ACOXL: variants seen among roughly 807,000 people sequenced by gnomAD.
ACOXL encodes acyl-coenzyme A oxidase-like protein.
ACOXL carries 70 observed loss-of-function variants against 71.9 expected under a neutral mutation model. That is an observed-to-expected ratio of 0.97 (90% CI 0.80 to 1.19). The LOEUF (loss-of-function observed/expected upper bound fraction) is 1.19, where lower values mean the gene tolerates loss of function less well. ACOXL is among the 50% of genes most tolerant of loss of function. The probability of loss-of-function intolerance (pLI) is 0.00; values close to 1 mark genes in which losing one functional copy is unlikely to be tolerated. For missense variants in ACOXL, 703 were observed against 736.3 expected (o/e 0.95, Z 0.52); for synonymous variants, 253 against 281.6 (o/e 0.90, Z 1.02).
chr2:110,937,938 G>C, intron 12 of ACOXL, among the ~76,000 whole-genome samples: 1 of 152,176 alleles, frequency 6.6e-6, no homozygotes, highest in East Asian at 1.9e-4. Flanking sequence ...CATAGACTCA[G>C]GAAGTAGGAG....
rs968325998 is a variant in ACOXL, at chr2:111,092,998, G to A, written c.1542+32G>A. 4.5e-6 allele frequency: 7 copies of A among 1,551,130 alleles called. No individual in the cohort carries two copies. The East Asian group carries it at 6.7e-5, about 15-fold the overall frequency. On this transcript the variant is annotated intron_variant, in intron 17 of 17. Coordinates refer to ENST00000439055, the MANE Select transcript of ACOXL (RefSeq NM_001142807.4). Reference sequence around the variant, plus strand: ...TCCCTGGGGTACAGAAAAACACTTTGTACATCAGCCCTGGTCTCCTTGCTT... The same window carrying A: ...TCCCTGGGGTACAGAAAAACACTTTATACATCAGCCCTGGTCTCCTTGCTT...
chr2:110,734,786 T>C (rs1193044066), intron 1 of ACOXL, among the ~76,000 whole-genome samples: 4 of 152,040 alleles, frequency 2.6e-5, no homozygotes, highest in African/African-American at 9.7e-5. Context: ...GGGACTTCCT[T>C]GTGAATTCCA....
Position 110,911,109 on chromosome 2 carries a change from A to G in ACOXL, c.905+2204A>G, listed in dbSNP as rs1055154087. On this transcript the variant is annotated intron_variant, in intron 11 of 17. Coordinates refer to ENST00000439055, the MANE Select transcript of ACOXL (RefSeq NM_001142807.4). ...AGAATACTATGAACAATAGTATGCAACAAAATATACAAAACCTATATGAAA... is the reference window on the plus strand; with the variant it reads ...AGAATACTATGAACAATAGTATGCAGCAAAATATACAAAACCTATATGAAA... 2.0e-4 allele frequency among the ~76,000 whole-genome samples: 31 copies of G among 152,176 alleles called. 1 individual carries two copies. Among genetic ancestry groups the G allele is most frequent in the Non-Finnish European group, 7.4e-5 (5 of 67,984 alleles).
chr2:111,068,635 A>G (rs893009678), intron 16 of ACOXL, among the ~76,000 whole-genome samples: 14 of 152,182 alleles, frequency 9.2e-5, no homozygotes, highest in Non-Finnish European at 1.8e-4. Flanking sequence ...TTATTACTGG[A>G]TGGGCTATGC....
At chr2:110,752,763 T>C (rs1201796142) in intron 1 of ACOXL, among the ~76,000 whole-genome samples, 1 of 152,100 alleles carries the variant, frequency 6.6e-6, no homozygotes, top group Non-Finnish European at 1.5e-5. Context: ...GTATTAGCTA[T>C]CTACTGATAT....
At position 110,908,911 on chromosome 2, in the gene ACOXL, A is replaced by G. The variant is rs1451667937; in HGVS notation, c.905+6A>G. ...GCCCTGACCTTCGTCAGCAGGTGAG[A>G]TGGCTCTCAGGGTTTGCTCTCTTAG... On this transcript the variant is annotated splice_donor_region_variant and intron_variant, in intron 11 of 17. Coordinates refer to ENST00000439055, the MANE Select transcript of ACOXL (RefSeq NM_001142807.4). The G allele has an allele frequency of 1.9e-6, 3 of 1,610,768 alleles. No homozygotes were observed. Among genetic ancestry groups the G allele is most frequent in the Non-Finnish European group, 2.5e-6 (3 of 1,177,320 alleles).
chr2:110,837,132 G>A lies in ACOXL; in HGVS notation c.754-4239G>A, dbSNP rs139509256. Among the ~76,000 whole-genome samples the A allele has an allele frequency of 9.7e-4, 148 of 152,328 alleles. 1 individual carries two copies. Among genetic ancestry groups the A allele is most frequent in the African/African-American group, 3.4e-3 (141 of 41,570 alleles). On this transcript the variant is annotated intron_variant, in intron 9 of 17. Coordinates refer to ENST00000439055, the MANE Select transcript of ACOXL (RefSeq NM_001142807.4). ...ATGGCCCCTCCAGCATGGGACAGGG[G>A]CCCTGGAGTGTGCCACTGTCCCAGG...
At chr2:111,006,354 G>C (rs1477412207) in intron 14 of ACOXL, among the ~76,000 whole-genome samples, 2 of 152,170 alleles carry the variant, frequency 1.3e-5, no homozygotes, top group Non-Finnish European at 2.9e-5. Flanking sequence ...GGGAAAGGAC[G>C]ATGTCGTAGA....
At chr2:110,964,599 G>T (rs933407949) in intron 12 of ACOXL, among the ~76,000 whole-genome samples, 3 of 152,204 alleles carry the variant, frequency 2.0e-5, no homozygotes, top group Admixed American at 1.3e-4. Flanking sequence ...AGGCTATGTG[G>T]TGGAGCCTAT....
chr2:110,837,494 A>G (rs1690601852), intron 9 of ACOXL, among the ~76,000 whole-genome samples: 1 of 152,274 alleles, frequency 6.6e-6, no homozygotes, highest in South Asian at 2.1e-4. Flanking sequence ...TACAAGATCC[A>G]TGAAATCTAC....
intron 9 of ACOXL, among the ~76,000 whole-genome samples, chr2:110,817,982 T>C (rs1688114339): frequency 6.7e-6 from 1 of 150,254 alleles, no homozygotes; most frequent in Non-Finnish European, 1.5e-5. Context: ...TAGGGACTGA[T>C]CTCATCAGCC....
chr2:110,747,499 C>T (rs1288713793), intron 1 of ACOXL, among the ~76,000 whole-genome samples: 5 of 152,202 alleles, frequency 3.3e-5, no homozygotes, highest in Non-Finnish European at 7.3e-5. Context: ...GCTAGCCTCT[C>T]GTGTGCCATT....
chr2:110,799,847 G>C (rs1204874362), intron 7 of ACOXL, among the ~76,000 whole-genome samples: 1 of 152,160 alleles, frequency 6.6e-6, no homozygotes, highest in Non-Finnish European at 1.5e-5. Flanking sequence ...TAACTAGCAA[G>C]AAGATTGTGA....
At chr2:110,953,146 A>G (rs2061384348) in intron 12 of ACOXL, among the ~76,000 whole-genome samples, 1 of 152,128 alleles carries the variant, frequency 6.6e-6, no homozygotes, top group South Asian at 2.1e-4. Context: ...TCCCAATATT[A>G]TGTATGTGAA....
chr2:110,819,373 A>G, intron 9 of ACOXL, among the ~76,000 whole-genome samples: 1 of 152,118 alleles, frequency 6.6e-6, no homozygotes, highest in East Asian at 1.9e-4. Context: ...GCAGAGGAGG[A>G]ACAGGTTTAG....
At chr2:110,801,788 C>T in intron 8 of ACOXL, 64 bp downstream of exon 8, 1 of 1,371,668 alleles carries the variant, frequency 7.3e-7, no homozygotes, top group Non-Finnish European at 1.0e-6. Context: ...CCAAAGTTGG[C>T]TTGGGTCTTG....
intron 16 of ACOXL, among the ~76,000 whole-genome samples, chr2:111,090,951 C>T (rs2150013735): frequency 6.6e-6 from 1 of 152,242 alleles, no homozygotes; most frequent in Middle Eastern, 3.4e-3. Flanking sequence ...ACAGCTAGAG[C>T]AGTGGTTTGG....
intron 9 of ACOXL, among the ~76,000 whole-genome samples, chr2:110,813,588 T>C (rs1181415393): frequency 6.6e-6 from 1 of 152,214 alleles, no homozygotes; most frequent in African/African-American, 2.4e-5. Context: ...ATATGGATGA[T>C]TGACAACTGG....
At chr2:111,092,307 T>C (rs2068567638) in intron 16 of ACOXL, among the ~76,000 whole-genome samples, 1 of 152,218 alleles carries the variant, frequency 6.6e-6, no homozygotes, top group African/African-American at 2.4e-5. Context: ...ACAGGGAAAC[T>C]CATTTATTGT....
Sources: gnomAD v4.1 joint callset for allele counts (sites outside exome capture counted in the v4.1 genomes callset) on GRCh38, gnomAD v4.1.1 for gene constraint, MANE v1.5 for transcripts, NCBI Gene and HGNC (gene_info 2026-07-23, HGNC 2026-07-21) for gene names.